MYH3: variants seen among roughly 807,000 people sequenced by gnomAD.
MYH3 encodes the protein myosin-3.
Under a neutral mutation model 238.0 loss-of-function variants are expected in MYH3, and 130 were observed. That is an observed-to-expected ratio of 0.55 (90% CI 0.47 to 0.63). The LOEUF (loss-of-function observed/expected upper bound fraction) is 0.63, where lower values mean the gene tolerates loss of function less well. Among genes scored for constraint, MYH3 ranks in the 30% least tolerant of loss-of-function variants. The pLI is 0.00. For missense variants in MYH3, 1,853 were observed against 2,374.9 expected (o/e 0.78, Z 4.57); for synonymous variants, 880 against 924.1 (o/e 0.95, Z 0.86).
In MYH3 at chr17:10,645,995, C is replaced by T. The variant is rs766487722; in HGVS notation, c.936G>A (p.Pro312=). Residue 312 remains proline (P), a synonymous_variant, in exon 11 of 41, where the codon CCG becomes CCA. Coordinates refer to ENST00000583535, the MANE Select transcript of MYH3 (RefSeq NM_002470.4). The part of the protein sequence containing the change: ...LLITTNPYDY[P]FISQGEILVA... Reference sequence around the variant, plus strand: ...CCAGGATCTCCCCCTGGCTAATGAACGGGTAGTCGTAAGGGTTGGTCGTAA... The same window carrying T: ...CCAGGATCTCCCCCTGGCTAATGAATGGGTAGTCGTAAGGGTTGGTCGTAA... The T allele has an allele frequency of 1.2e-5, 20 of 1,613,774 alleles. No individual in the cohort carries two copies. Among genetic ancestry groups the T allele is most frequent in the African/African-American group, 8.0e-5 (6 of 74,842 alleles).
intron 1 of MYH3, among the ~76,000 whole-genome samples, chr17:10,656,483 G>A (rs1267359914): frequency 6.6e-6 from 1 of 150,834 alleles, no homozygotes; most frequent in Non-Finnish European, 1.5e-5. Flanking sequence ...GTTGCAGTGA[G>A]CCGAGATTGT....
At chr17:10,651,050 T>C (rs2074369205) in intron 5 of MYH3, among the ~76,000 whole-genome samples, 1 of 151,972 alleles carries the variant, frequency 6.6e-6, no homozygotes, top group African/African-American at 2.4e-5. Flanking sequence ...CCGGACATGG[T>C]GGTGCATACC....
rs780775479 is a variant in MYH3, at chr17:10,642,805, G to C, written c.1581+21C>G. The C allele has an allele frequency of 6.2e-7, 1 of 1,614,116 alleles. No individual in the cohort carries two copies. The highest frequency in any genetic ancestry group is 1.1e-5 in the South Asian group (1 of 91,074). On this transcript the variant is annotated intron_variant, in intron 15 of 40. Coordinates refer to ENST00000583535, the MANE Select transcript of MYH3 (RefSeq NM_002470.4). The surrounding 1 kb of genome is among the most constrained non-coding windows in gnomAD (Gnocchi z 5.4). ...AGAAGAGTCTATGAGAAGAGCTTAC[G>C]GTGGGGATGGAACTGGATACCTTCT...
intron 12 of MYH3, 41 bp from the exon 13 acceptor site, chr17:10,644,743 G>A (rs1169162555): frequency 6.8e-7 from 1 of 1,474,156 alleles, no homozygotes; most frequent in Non-Finnish European, 9.5e-7. Context: ...AAGTAGAAGA[G>A]CTGCTTTGAA....
chr17:10,676,819 T>C, the MYH3 span: 1 of 152,196 alleles, frequency 6.6e-6, no homozygotes, highest in East Asian at 1.9e-4. Flanking sequence ...GAGGATATAG[T>C]ATAATTACGG....
At chr17:10,670,691 C>G in the MYH3 span, among the ~76,000 whole-genome samples, 1 of 149,166 alleles carries the variant, frequency 6.7e-6, no homozygotes, top group African/African-American at 2.4e-5. This position sits in a 1 kb window ranked among gnomAD's most constrained non-coding sequence, Gnocchi z 7.0. Context: ...ACAAACACAC[C>G]ACTATTATTA....
In MYH3 at chr17:10,630,275, C is replaced by T. The variant is rs1394859357; in HGVS notation, c.5457+13G>A. ...GGAAAGCTCAGCGCAGGCGGGGTTC[C>T]TCCTGCACACACCCTGGTCTCCAGT... is the stretch of plus-strand genomic sequence containing the variant. On this transcript the variant is annotated intron_variant, in intron 37 of 40. Transcript: ENST00000583535. 1.9e-6 allele frequency: 3 copies of T among 1,553,830 alleles called. No homozygotes were observed. The East Asian group carries it at 6.9e-5, about 36-fold the overall frequency.
intron 6 of MYH3, among the ~76,000 whole-genome samples, chr17:10,650,084 G>C (rs930091332): frequency 1.3e-5 from 2 of 152,070 alleles, no homozygotes; most frequent in Non-Finnish European, 2.9e-5. Context: ...CCATTCTCCT[G>C]CCTCAGCCTC....
intron 11 of MYH3, 38 bp downstream of exon 11, chr17:10,645,891 G>T: frequency 6.2e-7 from 1 of 1,613,810 alleles, no homozygotes; most frequent in Middle Eastern, 1.7e-4. Context: ...CCCAGTGATG[G>T]AGGAGGAACA....
intron 5 of MYH3, 76 bp from the exon 6 acceptor site, chr17:10,650,477 G>C: frequency 7.3e-7 from 1 of 1,372,220 alleles, no homozygotes; most frequent in Non-Finnish European, 1.0e-6. Flanking sequence ...CTCTCAAGTA[G>C]CCAGAGTTAA....
At position 10,635,489 on chromosome 17, in the gene MYH3, C is replaced by T. The variant is rs542624140; in HGVS notation, c.4050G>A (p.Glu1350=). 1.1e-5 allele frequency: 18 copies of T among 1,614,242 alleles called. No individual in the cohort carries two copies. The highest frequency in any genetic ancestry group is 2.2e-5 in the South Asian group (2 of 91,086). Reference sequence around the variant, plus strand: ...GCAGCTCAGCTTTGCCTTCCTGCTCCTCCTCATACTGTTCCCGCAGCAGGT... The same window carrying T: ...GCAGCTCAGCTTTGCCTTCCTGCTCTTCCTCATACTGTTCCCGCAGCAGGT... ...DCDLLREQYE[E]EQEGKAELQR... is the part of the protein sequence containing the mutation. The change falls in exon 30 of 41, where the codon GAG becomes GAA. Residue 1350 remains glutamate (E), a synonymous_variant. Coordinates refer to ENST00000583535, the MANE Select transcript of MYH3 (RefSeq NM_002470.4).
chr17:10,635,288 G>A (rs1206631458), intron 30 of MYH3, 79 bp downstream of exon 30: 1 of 1,608,836 alleles, frequency 6.2e-7, no homozygotes, highest in Non-Finnish European at 8.5e-7. Flanking sequence ...ACATGAGATG[G>A]GGAAACGCCT....
In MYH3 at chr17:10,640,261, A is replaced by AG; in HGVS notation, c.2427-11dup. The AG allele has an allele frequency of 6.2e-7, 1 of 1,614,220 alleles. No individual in the cohort carries two copies. The highest frequency in any genetic ancestry group is 8.5e-7 in the Non-Finnish European group (1 of 1,180,048). The stretch of plus-strand genomic sequence containing the variant: ...GCAGAAGATGGACTCCCTAAAAACA[A>AG]GACATTGCTTATTTCTGAGAGAGAC... On this transcript the variant is annotated splice_polypyrimidine_tract_variant and intron_variant, in intron 21 of 40. Coordinates refer to ENST00000583535, the MANE Select transcript of MYH3 (RefSeq NM_002470.4).
At chr17:10,656,912 C>A (rs866850682) in intron 1 of MYH3, among the ~76,000 whole-genome samples, 2 of 152,110 alleles carry the variant, frequency 1.3e-5, no homozygotes, top group South Asian at 4.1e-4. Flanking sequence ...GAGTGAGGTC[C>A]CCAGTCCTGT....
chr17:10,661,847 T>C (rs1159401566), upstream of MYH3, among the ~76,000 whole-genome samples: 1 of 152,054 alleles, frequency 6.6e-6, no homozygotes, highest in African/African-American at 2.4e-5. Flanking sequence ...TCACTAGAAA[T>C]GAGGAACTCG....
upstream of MYH3, among the ~76,000 whole-genome samples, chr17:10,657,741 T>C (rs1452248485): frequency 6.6e-6 from 1 of 152,176 alleles, no homozygotes; most frequent in Admixed American, 6.5e-5. Flanking sequence ...GAGTGAAAAG[T>C]TGAAATCCTT....
In MYH3 at chr17:10,640,992, G is replaced by A. The variant is rs572508417; in HGVS notation, c.2165+93C>T. 212 of 1,086,136 alleles carry A rather than the reference G, an allele frequency of 2.0e-4. 1 individual carries two copies. Among genetic ancestry groups the A allele is most frequent in the South Asian group, 1.8e-3 (145 of 80,374 alleles). The allele number at this position is 1,086,136 out of a possible 1,614,324, so 67.3% of individuals were successfully genotyped here. A position where few individuals can be genotyped will look rare whatever the true frequency, so the allele number is the denominator to read the frequency against. On this transcript the variant is annotated intron_variant, in intron 19 of 40. Coordinates refer to ENST00000583535, the MANE Select transcript of MYH3 (RefSeq NM_002470.4). ...CATGGAGGTCCATATCTGTTCTTTC[G>A]AAATAGGTCTTTTCATACGAATCTT...
chr17:10,672,419 T>G, the MYH3 span: 1 of 152,198 alleles, frequency 6.6e-6, no homozygotes, highest in Non-Finnish European at 1.5e-5. Context: ...TTTTTCACAT[T>G]TATTTTTCCA....
At chr17:10,632,857 C>T in intron 33 of MYH3, 73 bp from the exon 34 acceptor site, 1 of 1,471,620 alleles carries the variant, frequency 6.8e-7, no homozygotes, top group Middle Eastern at 1.7e-4. Context: ...TGCAGGATAA[C>T]AAAACTTCAA....
Sources: allele counts gnomAD v4.1 joint callset (sites outside exome capture counted in the v4.1 genomes callset), GRCh38; gene constraint gnomAD v4.1.1; non-coding constraint Gnocchi (gnomAD v3.1); transcripts MANE v1.5; gene names NCBI Gene and HGNC (gene_info 2026-07-23, HGNC 2026-07-21).